SNX31: variants seen among roughly 807,000 people sequenced by gnomAD.
SNX31 encodes sorting nexin-31.
A neutral mutation model predicts 65.4 loss-of-function variants in SNX31; 58 were observed. The ratio of observed to expected loss-of-function variants is 0.89; its 90% CI spans 0.72 to 1.10. The LOEUF (loss-of-function observed/expected upper bound fraction) is 1.10, where lower values mean the gene tolerates loss of function less well. Ranked by LOEUF, SNX31 falls within the 50% of genes least tolerant of loss-of-function variation. The pLI, the probability that SNX31 is intolerant of heterozygous loss-of-function variation, is 0.00. For synonymous variants in SNX31, 181 were observed against 190.1 expected (o/e 0.95, Z 0.39); for missense variants, 523 against 529.7 (o/e 0.99, Z 0.12).
Position 100,614,601 on chromosome 8 carries a change from A to G in SNX31, c.433-1516T>C, listed in dbSNP as rs1035348274. Among the ~76,000 whole-genome samples, 4 of 152,282 alleles carry G rather than the reference A, an allele frequency of 2.6e-5. No homozygotes were observed. The East Asian group carries it at 7.7e-4, about 29-fold the overall frequency. Reference sequence around the variant, plus strand: ...CTTAAAGAGGCCATTGAGGCCCGGCACGGTGGCTCATGCCTGTAATCCCAG... The same window carrying G: ...CTTAAAGAGGCCATTGAGGCCCGGCGCGGTGGCTCATGCCTGTAATCCCAG... On this transcript the variant is annotated intron_variant, in intron 5 of 13. Transcript: ENST00000311812. This position sits in a 1 kb window ranked among gnomAD's most constrained non-coding sequence, Gnocchi z 5.1.
rs1818356117 is a variant in SNX31, at chr8:100,630,736, C to T, written c.257-345G>A. Reference sequence around the variant, plus strand: ...AAAGATCTTAAAACCTGCATCTAGACTCCCAGCCTAGCAAGACACAGGGTA... The same window carrying T: ...AAAGATCTTAAAACCTGCATCTAGATTCCCAGCCTAGCAAGACACAGGGTA... On this transcript the variant is annotated intron_variant, in intron 3 of 13. Transcript: ENST00000311812. The surrounding 1 kb of genome is among the most constrained non-coding windows in gnomAD (Gnocchi z 5.3). Among the ~76,000 whole-genome samples, 1 of 152,198 alleles carries T rather than the reference C, an allele frequency of 6.6e-6. No homozygotes were observed. Among genetic ancestry groups the T allele is most frequent in the South Asian group, 2.1e-4 (1 of 4,834 alleles).
intron 12 of SNX31, among the ~76,000 whole-genome samples, chr8:100,580,117 G>A (rs1470910211): frequency 6.9e-6 from 1 of 145,268 alleles, no homozygotes; most frequent in Admixed American, 7.1e-5. Context: ...AGCTGAGATT[G>A]CACCACTGCA....
rs550837879 is a variant in SNX31, at chr8:100,660,749, C to T, written c.-58+2393G>A. On this transcript the variant is annotated intron_variant, in intron 1 of 5. Transcript: ENST00000520352. This position sits in a 1 kb window ranked among gnomAD's most constrained non-coding sequence, Gnocchi z 4.1. ...AATCCCTCCTCTCCACAGACCCCAA[C>T]GATTAGCCATAAAATGAGCTCACAA... is the stretch of plus-strand genomic sequence containing the variant. Among the ~76,000 whole-genome samples the T allele has an allele frequency of 5.9e-5, 9 of 152,306 alleles. No individual in the cohort carries two copies. The highest frequency in any genetic ancestry group is 2.0e-4 in the Admixed American group (3 of 15,302).
rs552361650 is a variant in SNX31 at position 100,638,363 on chromosome 8, C to T, written c.142-2352G>A. On this transcript the variant is annotated intron_variant, in intron 2 of 13. Transcript: ENST00000311812. ...ATTCAATCTCCAGTCTTGCTAGCCACATTTCAAATGCTTAATAGCCACTTG... is the reference window on the plus strand; with the variant it reads ...ATTCAATCTCCAGTCTTGCTAGCCATATTTCAAATGCTTAATAGCCACTTG... Among the ~76,000 whole-genome samples, 4 of 152,356 alleles carry T rather than the reference C, an allele frequency of 2.6e-5. No individual in the cohort carries two copies. In the South Asian group the frequency reaches 8.3e-4, roughly 32 times the overall value.
At chr8:100,651,192 A>C (rs1275686232), upstream of SNX31, among the ~76,000 whole-genome samples, 2 of 152,252 alleles carry the variant, frequency 1.3e-5, no homozygotes, top group East Asian at 3.9e-4. Flanking sequence ...TAATAACTCT[A>C]CTTACTTCAA....
At position 100,626,087 on chromosome 8, in the gene SNX31, G is replaced by A. The variant is rs1322187212; in HGVS notation, c.321+4240C>T. 6.6e-6 allele frequency among the ~76,000 whole-genome samples: 1 copy of A among 152,214 alleles called. No homozygotes were observed. The highest frequency in any genetic ancestry group is 2.4e-5 in the African/African-American group (1 of 41,460). On this transcript the variant is annotated intron_variant, in intron 4 of 13. Coordinates refer to ENST00000311812, the MANE Select transcript of SNX31 (RefSeq NM_152628.4). This position sits in a 1 kb window ranked among gnomAD's most constrained non-coding sequence, Gnocchi z 4.4. ...ACTAAAATACAAAAATTAACTGGGTGTGGTGGCATGCGCCTGTAGTCCCAG... is the reference window on the plus strand; with the variant it reads ...ACTAAAATACAAAAATTAACTGGGTATGGTGGCATGCGCCTGTAGTCCCAG...
Position 100,612,117 on chromosome 8 carries a change from G to A in SNX31, c.524-30C>T. The A allele has an allele frequency of 6.8e-7, 1 of 1,468,656 alleles. No homozygotes were observed. Among genetic ancestry groups the A allele is most frequent in the Non-Finnish European group, 9.5e-7 (1 of 1,047,678 alleles). The allele number at this position is 1,468,656 out of a possible 1,614,324, so 91.0% of individuals were successfully genotyped here. A position where few individuals can be genotyped will look rare whatever the true frequency, so the allele number is the denominator to read the frequency against. On this transcript the variant is annotated intron_variant, in intron 6 of 13. Coordinates refer to ENST00000311812, the MANE Select transcript of SNX31 (RefSeq NM_152628.4). This position sits in a 1 kb window ranked among gnomAD's most constrained non-coding sequence, Gnocchi z 4.3. ...AGAAAGGAGAAAGCCGGTCTTACTG[G>A]TTGAAACAGCACAGACAGCTTATAT...
upstream of SNX31, among the ~76,000 whole-genome samples, chr8:100,652,122 G>A (rs1240876858): frequency 6.6e-6 from 1 of 152,098 alleles, no homozygotes; most frequent in Non-Finnish European, 1.5e-5. Context: ...GGGATTACAG[G>A]CACACGCCAC....
intron 12 of SNX31, among the ~76,000 whole-genome samples, chr8:100,580,527 G>A (rs192504755): frequency 2.3e-4 from 35 of 152,278 alleles, no homozygotes; most frequent in Admixed American, 5.2e-4. Flanking sequence ...GCCAATTGTC[G>A]TAGGGGAAAT....
intron 3 of SNX31, among the ~76,000 whole-genome samples, chr8:100,633,021 C>A (rs777089195): frequency 6.6e-6 from 1 of 152,116 alleles, no homozygotes; most frequent in Non-Finnish European, 1.5e-5. Flanking sequence ...AACTCCTGGG[C>A]TCCAGCAATC....
chr8:100,644,886 C>T (rs1376688264), intron 2 of SNX31, among the ~76,000 whole-genome samples: 1 of 152,212 alleles, frequency 6.6e-6, no homozygotes, highest in East Asian at 1.9e-4. Context: ...AGGTCTCAAA[C>T]TCTTGAGCTG....
intron 2 of SNX31, among the ~76,000 whole-genome samples, chr8:100,639,162 G>T (rs1818981978): frequency 6.6e-6 from 1 of 152,178 alleles, no homozygotes; most frequent in Non-Finnish European, 1.5e-5. Flanking sequence ...AATTACAACA[G>T]AACTTGATGT....
rs995252193 is a variant in SNX31, at chr8:100,604,601, C to G, written c.681+3893G>C. Among the ~76,000 whole-genome samples the G allele has an allele frequency of 6.6e-6, 1 of 152,264 alleles. No individual in the cohort carries two copies. The highest frequency in any genetic ancestry group is 6.5e-5 in the Admixed American group (1 of 15,290). On this transcript the variant is annotated intron_variant, in intron 8 of 13. Transcript: ENST00000311812. The surrounding 1 kb of genome is among the most constrained non-coding windows in gnomAD (Gnocchi z 4.3). ...GGGTGCCTTTTTCTAATTTGCATCA[C>G]TGTCCAGGCCAGCAATGGCCCCGCT...
rs1397742080 is a variant in SNX31, at chr8:100,648,861, T to C, written c.141+413A>G. Among the ~76,000 whole-genome samples the C allele has an allele frequency of 6.6e-6, 1 of 152,232 alleles. No individual in the cohort carries two copies. The highest frequency in any genetic ancestry group is 1.9e-4 in the East Asian group (1 of 5,190). ...AGACAAAGGAGATTAAATACCCATG[T>C]ACAAGACTCCAAAGACTCTAGGCCT... On this transcript the variant is annotated intron_variant, in intron 2 of 13. Coordinates refer to ENST00000311812, the MANE Select transcript of SNX31 (RefSeq NM_152628.4). This position sits in a 1 kb window ranked among gnomAD's most constrained non-coding sequence, Gnocchi z 4.3.
intron 4 of SNX31, among the ~76,000 whole-genome samples, chr8:100,619,372 C>G (rs1817512614): frequency 6.6e-6 from 1 of 152,214 alleles, no homozygotes; most frequent in African/African-American, 2.4e-5. Flanking sequence ...GAGTTTCCAG[C>G]TGAAGGAGCA....
At chr8:100,638,343 A>G (rs1342575549) in intron 2 of SNX31, among the ~76,000 whole-genome samples, 2 of 152,232 alleles carry the variant, frequency 1.3e-5, no homozygotes, top group African/African-American at 4.8e-5. Flanking sequence ...TTAAAATTCA[A>G]TCTCCAGTCT....
At chr8:100,631,971 C>T (rs565091236) in intron 3 of SNX31, among the ~76,000 whole-genome samples, 2 of 152,314 alleles carry the variant, frequency 1.3e-5, no homozygotes, top group East Asian at 3.8e-4. Flanking sequence ...TATATTTTAG[C>T]TTATCTAATC....
chr8:100,593,684 C>T (rs1394096561), intron 10 of SNX31, among the ~76,000 whole-genome samples: 1 of 151,958 alleles, frequency 6.6e-6, no homozygotes, highest in Admixed American at 6.6e-5. Context: ...AGACTCCTGA[C>T]TTCAACCAAT....
Position 100,610,965 on chromosome 8 carries a change from C to T in SNX31, c.611+1035G>A, listed in dbSNP as rs770204765. Among the ~76,000 whole-genome samples the T allele has an allele frequency of 6.6e-6, 1 of 152,200 alleles. No individual in the cohort carries two copies. Among genetic ancestry groups the T allele is most frequent in the African/African-American group, 2.4e-5 (1 of 41,444 alleles). The stretch of plus-strand genomic sequence containing the variant: ...AATCCCCTGCAGCCACGGTAATAAA[C>T]ACTGGGAGCTGCAGGTTATAGGACT... On this transcript the variant is annotated intron_variant, in intron 7 of 13. Transcript: ENST00000311812. The surrounding 1 kb of genome is among the most constrained non-coding windows in gnomAD (Gnocchi z 4.0).
Sources: gnomAD v4.1 joint callset for allele counts (sites outside exome capture counted in the v4.1 genomes callset) on GRCh38, gnomAD v4.1.1 for gene constraint, Gnocchi (gnomAD v3.1) non-coding constraint, MANE v1.5 for transcripts, NCBI Gene and HGNC (gene_info 2026-07-23, HGNC 2026-07-21) for gene names.